Variants in UNC13C observed in about 807,000 individuals in gnomAD.
UNC13C encodes the protein protein unc-13 homolog C.
A neutral mutation model predicts 245.4 loss-of-function variants in UNC13C; 174 were observed. That is an observed-to-expected ratio of 0.71 (90% CI 0.63 to 0.80). UNC13C has a LOEUF of 0.80. Ranked by LOEUF, UNC13C falls within the 30% of genes least tolerant of loss-of-function variation. UNC13C has a pLI of 0.00. For synonymous variants in UNC13C, 992 were observed against 895.1 expected (o/e 1.11, Z -1.93); for missense variants, 2,829 against 2,602.9 (o/e 1.09, Z -1.89).
intron 2 of UNC13C, among the ~76,000 whole-genome samples, chr15:54,091,869 C>A (rs1475318645): frequency 6.6e-6 from 1 of 151,934 alleles, no homozygotes; most frequent in South Asian, 2.1e-4. Context: ...GAGATTTATT[C>A]CTTAAGTCTT....
intron 2 of UNC13C, among the ~76,000 whole-genome samples, chr15:54,088,568 G>A (rs1038502976): frequency 6.6e-6 from 1 of 152,142 alleles, no homozygotes; most frequent in Non-Finnish European, 1.5e-5. Context: ...TGAAATCAGA[G>A]GTTGATTACA....
At chr15:53,911,073 A>G in the UNC13C span, 7 of 152,218 alleles carry the variant, frequency 4.6e-5, no homozygotes, top group African/African-American at 1.2e-4. Flanking sequence ...ACACAGCACC[A>G]AGAAGGAATG....
At chr15:54,196,057 T>G (rs906022835) in intron 4 of UNC13C, among the ~76,000 whole-genome samples, 1 of 152,084 alleles carries the variant, frequency 6.6e-6, no homozygotes, top group South Asian at 2.1e-4. Context: ...CCTGTAGTCA[T>G]CCAAGCAGAT....
At chr15:54,138,013 G>A (rs1274034761) in intron 2 of UNC13C, among the ~76,000 whole-genome samples, 2 of 151,810 alleles carry the variant, frequency 1.3e-5, no homozygotes, top group East Asian at 3.9e-4. Flanking sequence ...GGTATATTGT[G>A]TTTCTATTTT....
At chr15:53,976,477 CTTT>C (rs10682648), upstream of UNC13C, among the ~76,000 whole-genome samples, 43 of 63,018 alleles carry the variant, frequency 6.8e-4, 1 homozygote, top group East Asian at 3.5e-3. Context: ...CTCTCTCTCT[CTTT>C]TTTTTTTTTT....
intron 19 of UNC13C, among the ~76,000 whole-genome samples, chr15:54,479,131 C>T (rs1189455688): frequency 1.3e-5 from 2 of 151,904 alleles, no homozygotes; most frequent in African/African-American, 4.8e-5. Flanking sequence ...TATATGCTGT[C>T]CAGTGCTTCA....
the UNC13C span, among the ~76,000 whole-genome samples, chr15:53,937,628 C>T: frequency 1.3e-5 from 2 of 152,066 alleles, no homozygotes; most frequent in African/African-American, 4.8e-5. Flanking sequence ...TAAAGGCAGC[C>T]AGAGAGAAAG....
chr15:54,413,732 TGTCAATA>T (rs1286248917), intron 18 of UNC13C, among the ~76,000 whole-genome samples: 16 of 152,302 alleles, frequency 1.1e-4, no homozygotes, highest in Admixed American at 9.2e-4. Flanking sequence ...GTTCTGTATG[TGTCAATA>T]GTCTTTTCTT....
intron 2 of UNC13C, among the ~76,000 whole-genome samples, chr15:54,088,961 G>T (rs1353547613): frequency 6.6e-6 from 1 of 152,096 alleles, no homozygotes; most frequent in Non-Finnish European, 1.5e-5. Flanking sequence ...TTGGCGGGGG[G>T]GAACATCCAC....
chr15:54,599,730 C>A (rs1470863229), intron 30 of UNC13C, among the ~76,000 whole-genome samples: 1 of 152,046 alleles, frequency 6.6e-6, no homozygotes, highest in Non-Finnish European at 1.5e-5. Flanking sequence ...AAATTCCTCC[C>A]CACATACAGA....
intron 19 of UNC13C, among the ~76,000 whole-genome samples, chr15:54,464,370 A>G (rs1892052740): frequency 6.6e-6 from 1 of 152,162 alleles, no homozygotes; most frequent in Admixed American, 6.5e-5. Context: ...TCTCTGAGCT[A>G]TCATTTATCT....
intron 2 of UNC13C, among the ~76,000 whole-genome samples, chr15:54,053,650 T>C (rs1897369814): frequency 6.6e-6 from 1 of 152,202 alleles, no homozygotes; most frequent in Non-Finnish European, 1.5e-5. Context: ...AATCCAATTA[T>C]ACTCTTTTAC....
chr15:53,851,811 A>G, the UNC13C span, among the ~76,000 whole-genome samples: 1 of 152,208 alleles, frequency 6.6e-6, no homozygotes, highest in Non-Finnish European at 1.5e-5. Flanking sequence ...ACAGAGTTTG[A>G]GAGCTTCAGG....
At chr15:54,553,135 A>ATT (rs1175699041) in intron 28 of UNC13C, among the ~76,000 whole-genome samples, 6 of 92,562 alleles carry the variant, frequency 6.5e-5, no homozygotes, top group East Asian at 2.9e-4. Flanking sequence ...TATAATATAT[A>ATT]GTATTCTATA....
intron 13 of UNC13C, among the ~76,000 whole-genome samples, chr15:54,311,838 A>G (rs142168332): frequency 1.1e-3 from 169 of 151,932 alleles, no homozygotes; most frequent in African/African-American, 3.8e-3. Context: ...AGGTTATACA[A>G]TTTTGCATGA....
chr15:53,896,195 G>A, the UNC13C span, among the ~76,000 whole-genome samples: 2 of 152,012 alleles, frequency 1.3e-5, no homozygotes, highest in African/African-American at 2.4e-5. Flanking sequence ...GTTGAAAAGT[G>A]TGTAACTATC....
intron 17 of UNC13C, among the ~76,000 whole-genome samples, chr15:54,379,518 A>G (rs1367856174): frequency 6.6e-6 from 1 of 152,074 alleles, no homozygotes; most frequent in East Asian, 1.9e-4. Flanking sequence ...TAATACCTTT[A>G]TTATAAGTTA....
chr15:53,876,041 C>A, the UNC13C span, among the ~76,000 whole-genome samples: 1 of 152,118 alleles, frequency 6.6e-6, no homozygotes, highest in Non-Finnish European at 1.5e-5. Context: ...TGGTTTTGTT[C>A]CCACGTAATG....
intron 17 of UNC13C, among the ~76,000 whole-genome samples, chr15:54,367,352 C>G (rs1230144890): frequency 1.3e-5 from 2 of 152,180 alleles, no homozygotes; most frequent in Non-Finnish European, 2.9e-5. Flanking sequence ...TGAATACCAT[C>G]TTTTCTGTAA....
Sources: gnomAD v4.1 joint callset for allele counts (sites outside exome capture counted in the v4.1 genomes callset) on GRCh38, gnomAD v4.1.1 for gene constraint, MANE v1.5 for transcripts, NCBI Gene and HGNC (gene_info 2026-07-23, HGNC 2026-07-21) for gene names.